PPP1R9A: variants seen among roughly 807,000 people sequenced by gnomAD.
The protein encoded by PPP1R9A is protein phosphatase 1 regulatory subunit 9A, also known as neurabin-1.
PPP1R9A carries 59 observed loss-of-function variants against 141.9 expected under a neutral mutation model. The ratio of observed to expected loss-of-function variants is 0.42; its 90% CI spans 0.34 to 0.52. PPP1R9A has a LOEUF of 0.52. PPP1R9A is among the 20% of genes least tolerant of loss of function. The probability of loss-of-function intolerance (pLI) is 0.10; values close to 1 mark genes in which losing one functional copy is unlikely to be tolerated. For missense variants in PPP1R9A, 1,444 were observed against 1,611.9 expected (o/e 0.90, Z 1.78); for synonymous variants, 500 against 569.7 (o/e 0.88, Z 1.74).
chr7:95,191,464 G>A (rs1835491864), intron 5 of PPP1R9A, among the ~76,000 whole-genome samples: 1 of 152,022 alleles, frequency 6.6e-6, no homozygotes, highest in South Asian at 2.1e-4. Flanking sequence ...ATTTCTTTAT[G>A]TTGGGAACAT....
intron 5 of PPP1R9A, among the ~76,000 whole-genome samples, chr7:95,194,401 A>T (rs531908848): frequency 6.6e-6 from 1 of 152,210 alleles, no homozygotes; most frequent in East Asian, 1.9e-4. Context: ...ATCAGCAGTG[A>T]ACAAAGTGAG....
In PPP1R9A at chr7:95,054,073, A is replaced by G. The variant is rs540455923; in HGVS notation, c.1396-57186A>G. ...TTAGAATAGATACATTGATAATATTAGATTAGTCCACTATGGCTTCCTCCA... is the reference window on the plus strand; with the variant it reads ...TTAGAATAGATACATTGATAATATTGGATTAGTCCACTATGGCTTCCTCCA... On this transcript the variant is annotated intron_variant, in intron 2 of 19. Transcript: ENST00000433360. 7.9e-5 allele frequency among the ~76,000 whole-genome samples: 12 copies of G among 151,902 alleles called. 1 individual carries two copies. In the East Asian group the frequency reaches 2.3e-3, roughly 29 times the overall value.
intron 2 of PPP1R9A, among the ~76,000 whole-genome samples, chr7:95,032,313 T>C (rs1163861183): frequency 6.6e-6 from 1 of 152,158 alleles, no homozygotes; most frequent in African/African-American, 2.4e-5. Flanking sequence ...TGAAAACATG[T>C]CACAGAGAGA....
At chr7:95,095,066 A>T (rs1817850205) in intron 2 of PPP1R9A, among the ~76,000 whole-genome samples, 1 of 151,970 alleles carries the variant, frequency 6.6e-6, no homozygotes, top group South Asian at 2.1e-4. Context: ...GAGACACTAT[A>T]ATTTTGCTTT....
intron 16 of PPP1R9A, among the ~76,000 whole-genome samples, chr7:95,281,760 G>A (rs1325785610): frequency 6.6e-6 from 1 of 152,194 alleles, no homozygotes; most frequent in Non-Finnish European, 1.5e-5. Flanking sequence ...GCTGTTCACT[G>A]GGAGTAGGAC....
At chr7:94,940,011 G>A (rs183871997) in intron 2 of PPP1R9A, among the ~76,000 whole-genome samples, 16 of 151,970 alleles carry the variant, frequency 1.1e-4, no homozygotes, top group Admixed American at 9.2e-4. Context: ...TAGGCCCCTA[G>A]GACATAATAA....
chr7:95,246,774 A>G (rs1798174160), intron 8 of PPP1R9A, among the ~76,000 whole-genome samples: 1 of 152,130 alleles, frequency 6.6e-6, no homozygotes, highest in African/African-American at 2.4e-5. Context: ...TTCTTCCCTT[A>G]CAAAGAAAAC....
intron 7 of PPP1R9A, among the ~76,000 whole-genome samples, chr7:95,221,529 T>C (rs534051482): frequency 6.6e-6 from 1 of 152,166 alleles, no homozygotes; most frequent in South Asian, 2.1e-4. Flanking sequence ...TAGTCAAAAG[T>C]TATATGTTTA....
At chr7:95,193,504 T>C (rs10267705) in intron 5 of PPP1R9A, among the ~76,000 whole-genome samples, 1 of 152,054 alleles carries the variant, frequency 6.6e-6, no homozygotes, top group Non-Finnish European at 1.5e-5. Context: ...GCAACTTTCT[T>C]ATGCAGTATG....
chr7:95,169,548 C>T (rs531326869), intron 5 of PPP1R9A, among the ~76,000 whole-genome samples: 65 of 151,836 alleles, frequency 4.3e-4, no homozygotes, highest in African/African-American at 1.4e-3. Context: ...GTTCCCAGCA[C>T]GTAGAAATGA....
At chr7:95,236,148 A>G (rs1796651546) in intron 8 of PPP1R9A, among the ~76,000 whole-genome samples, 1 of 152,204 alleles carries the variant, frequency 6.6e-6, no homozygotes, top group Admixed American at 6.5e-5. Flanking sequence ...TAACAACAAC[A>G]AAAAAATTTT....
chr7:95,030,324 T>C (rs958770519), intron 2 of PPP1R9A, among the ~76,000 whole-genome samples: 1 of 152,186 alleles, frequency 6.6e-6, no homozygotes, highest in African/African-American at 2.4e-5. Flanking sequence ...ATCTTTCAAA[T>C]GTTATCTTAG....
intron 2 of PPP1R9A, among the ~76,000 whole-genome samples, chr7:94,925,009 C>T (rs1363281477): frequency 6.6e-6 from 1 of 152,062 alleles, no homozygotes; most frequent in Non-Finnish European, 1.5e-5. Context: ...CTATATTTAA[C>T]TTAGCTGGCA....
intron 2 of PPP1R9A, among the ~76,000 whole-genome samples, chr7:94,940,655 A>G (rs1009485649): frequency 5.9e-5 from 9 of 152,008 alleles, no homozygotes; most frequent in Non-Finnish European, 1.3e-4. Flanking sequence ...GAATCCCTCT[A>G]AATGTCTTCA....
At chr7:94,920,809 T>G (rs1475188897) in intron 2 of PPP1R9A, among the ~76,000 whole-genome samples, 2 of 152,226 alleles carry the variant, frequency 1.3e-5, no homozygotes, top group East Asian at 3.9e-4. Context: ...GCGGATTAGG[T>G]CTTTGGTATT....
At position 95,178,796 on chromosome 7, in the gene PPP1R9A, T is replaced by A. The variant is rs188959005; in HGVS notation, c.1754+16825T>A. On this transcript the variant is annotated intron_variant, in intron 5 of 19. Coordinates refer to ENST00000433360, the MANE Select transcript of PPP1R9A (RefSeq NM_001166160.2). ...ACCTAGAAGAGATGGATAAATTCTT[T>A]GTAAGATACAACCCTCCTAGCTTAA... 2.5e-3 allele frequency among the ~76,000 whole-genome samples: 384 copies of A among 152,174 alleles called. 3 individuals carry two copies. The highest frequency in any genetic ancestry group is 0.023 in the Admixed American group (354 of 15,250).
At chr7:95,014,672 G>T (rs983451978) in intron 2 of PPP1R9A, among the ~76,000 whole-genome samples, 3 of 151,800 alleles carry the variant, frequency 2.0e-5, no homozygotes, top group African/African-American at 7.3e-5. Context: ...TCTAGTTTTA[G>T]CACCTGTTGA....
chr7:95,025,161 G>A (rs1806634237), intron 2 of PPP1R9A, among the ~76,000 whole-genome samples: 1 of 151,950 alleles, frequency 6.6e-6, no homozygotes, highest in African/African-American at 2.4e-5. Context: ...CTGCCTCCTG[G>A]GTTCAAGCAA....
intron 8 of PPP1R9A, among the ~76,000 whole-genome samples, chr7:95,230,267 C>T (rs1047335343): frequency 2.6e-5 from 4 of 151,914 alleles, no homozygotes; most frequent in African/African-American, 7.3e-5. Context: ...TTTAACACCC[C>T]CAAAAGATCA....
Sources: gnomAD v4.1 joint callset for allele counts (sites outside exome capture counted in the v4.1 genomes callset) on GRCh38, gnomAD v4.1.1 for gene constraint, MANE v1.5 for transcripts, NCBI Gene and HGNC (gene_info 2026-07-23, HGNC 2026-07-21) for gene names.